Variants in GADL1 observed in about 807,000 individuals in gnomAD.
The protein encoded by GADL1 is acidic amino acid decarboxylase GADL1.
A neutral mutation model predicts 69.5 loss-of-function variants in GADL1; 71 were observed. The observed-to-expected ratio is 1.02, with a 90% CI of 0.84 to 1.25. The LOEUF (loss-of-function observed/expected upper bound fraction) is 1.25, where lower values mean the gene tolerates loss of function less well. Ranked by LOEUF, GADL1 falls within the 50% of genes most tolerant of loss-of-function variation. The pLI, the probability that GADL1 is intolerant of heterozygous loss-of-function variation, is 0.00. For missense variants in GADL1, 737 were observed against 631.8 expected, an observed-to-expected ratio of 1.17 and a Z score of -1.79; for synonymous variants, 254 against 214.4, an observed-to-expected ratio of 1.18 and a Z score of -1.62.
At chr3:30,843,048 A>G (rs1023468499) in intron 8 of GADL1, among the ~76,000 whole-genome samples, 2 of 151,962 alleles carry the variant, frequency 1.3e-5, no homozygotes, top group Non-Finnish European at 2.9e-5. Context: ...ATGAACTCCT[A>G]TGAGGATAGA....
intron 14 of GADL1, among the ~76,000 whole-genome samples, chr3:30,761,277 C>T (rs1696123676): frequency 7.3e-6 from 1 of 136,910 alleles, no homozygotes; most frequent in Non-Finnish European, 1.6e-5. Context: ...AAGAAGACAG[C>T]TAGAGCCTCT....
rs1695390622 is a variant in GADL1, at chr3:30,727,694, A to G, written c.*548T>C. 6.6e-6 allele frequency: 1 copy of G among 152,206 alleles called. No individual in the cohort carries two copies. The highest frequency in any genetic ancestry group is 2.1e-4 in the South Asian group (1 of 4,836). The allele number at this position is 152,206 out of a possible 1,614,324, so 9.4% of individuals were successfully genotyped here. A position where few individuals can be genotyped will look rare whatever the true frequency, so the allele number is the denominator to read the frequency against. On this transcript the variant is annotated 3_prime_UTR_variant, in exon 15 of 15. Coordinates refer to ENST00000282538, the MANE Select transcript of GADL1 (RefSeq NM_207359.3). ...ACATCAGAGTGGGTATTCGATCATTACAAGGTTTTTCTTAAACCAGTGTTT... is the reference window on the plus strand; with the variant it reads ...ACATCAGAGTGGGTATTCGATCATTGCAAGGTTTTTCTTAAACCAGTGTTT...
At chr3:30,881,467 A>G (rs1698639751) in intron 1 of GADL1, among the ~76,000 whole-genome samples, 1 of 151,932 alleles carries the variant, frequency 6.6e-6, no homozygotes, top group African/African-American at 2.4e-5. Context: ...CAATACACAA[A>G]AGCATCAAGT....
intron 1 of GADL1, among the ~76,000 whole-genome samples, chr3:30,870,405 T>C (rs1331243051): frequency 6.6e-6 from 1 of 151,172 alleles, no homozygotes; most frequent in Non-Finnish European, 1.5e-5. Context: ...CTTTAAGAAA[T>C]GGAAAGAGAT....
chr3:30,856,348 T>G (rs1284857577), intron 3 of GADL1, among the ~76,000 whole-genome samples: 2 of 152,106 alleles, frequency 1.3e-5, no homozygotes, highest in Admixed American at 6.6e-5. Flanking sequence ...GAACAGGATA[T>G]TAACAGGTAA....
In GADL1 at chr3:30,793,199, C is replaced by T. The variant is rs578077282; in HGVS notation, c.1251-6793G>A. ...TGGCCACAGCATACTTTCACAAATG[C>T]TGGTTTATAAGTGTTTCTACTAAAA... is the stretch of plus-strand genomic sequence containing the variant. On this transcript the variant is annotated intron_variant, in intron 12 of 14. Transcript: ENST00000282538. Among the ~76,000 whole-genome samples the T allele has an allele frequency of 1.4e-4, 22 of 152,240 alleles. No homozygotes were observed. The South Asian group carries it at 4.3e-3, about 30-fold the overall frequency.
intron 12 of GADL1, among the ~76,000 whole-genome samples, chr3:30,787,384 T>C (rs901091338): frequency 6.6e-5 from 10 of 152,152 alleles, no homozygotes; most frequent in African/African-American, 2.4e-4. Flanking sequence ...TATATAATAT[T>C]GACTCCTCTC....
At chr3:30,881,489 A>G (rs1429838295) in intron 1 of GADL1, among the ~76,000 whole-genome samples, 1 of 151,878 alleles carries the variant, frequency 6.6e-6, no homozygotes, top group Non-Finnish European at 1.5e-5. Context: ...GTGATTAAGG[A>G]TGCTACTGGA....
intron 1 of GADL1, among the ~76,000 whole-genome samples, chr3:30,884,820 G>T (rs1478362536): frequency 1.3e-5 from 2 of 151,836 alleles, no homozygotes; most frequent in Non-Finnish European, 2.9e-5. Context: ...GAGGAAGGTA[G>T]AAAATACTTA....
chr3:30,808,412 C>T (rs764791207), intron 11 of GADL1, among the ~76,000 whole-genome samples: 2 of 151,304 alleles, frequency 1.3e-5, no homozygotes, highest in Non-Finnish European at 1.5e-5. Context: ...GCAGGAGAAT[C>T]GCTTGAACCT....
rs71744579 is a variant in GADL1 at position 30,814,982 on chromosome 3, A to ATT, written c.1051-13896_1051-13895dup. On this transcript the variant is annotated intron_variant, in intron 11 of 14. Coordinates refer to ENST00000282538, the MANE Select transcript of GADL1 (RefSeq NM_207359.3). Reference sequence around the variant, plus strand: ...CTGTCTCATTTAAAAAAAAAAAAAAATTTTTTTCATTAAGGCAAATTTTTA... The same window carrying ATT: ...CTGTCTCATTTAAAAAAAAAAAAAAATTTTTTTTTCATTAAGGCAAATTTTTA... Among the ~76,000 whole-genome samples the ATT allele has an allele frequency of 3.7e-3, 522 of 141,638 alleles. 4 individuals carry two copies. Among genetic ancestry groups the ATT allele is most frequent in the African/African-American group, 0.013 (462 of 35,910 alleles). 92.9% of individuals were successfully genotyped at this position (141,638 alleles called of 152,430 possible). A position where few individuals can be genotyped will look rare whatever the true frequency, so the allele number is the denominator to read the frequency against.
intron 14 of GADL1, among the ~76,000 whole-genome samples, chr3:30,753,321 C>G (rs1289360230): frequency 6.6e-6 from 1 of 152,144 alleles, no homozygotes; most frequent in South Asian, 2.1e-4. Flanking sequence ...AATTCTTCCT[C>G]AAAACCATGT....
chr3:30,782,137 A>G (rs543123026), intron 13 of GADL1, among the ~76,000 whole-genome samples: 6 of 152,332 alleles, frequency 3.9e-5, no homozygotes, highest in Non-Finnish European at 7.3e-5. Context: ...CATGTCATGA[A>G]GGACTTCTCG....
intron 12 of GADL1, among the ~76,000 whole-genome samples, chr3:30,792,957 A>G (rs2125502837): frequency 6.6e-6 from 1 of 152,322 alleles, no homozygotes; most frequent in South Asian, 2.1e-4. Flanking sequence ...TACAGGCAAG[A>G]GAGAATGGTC....
At chr3:30,736,060 G>T (rs1421648431) in intron 14 of GADL1, among the ~76,000 whole-genome samples, 1 of 151,652 alleles carries the variant, frequency 6.6e-6, no homozygotes, top group Non-Finnish European at 1.5e-5. Flanking sequence ...TTTTAATGTG[G>T]CCCTATTGAA....
At chr3:30,806,837 G>C (rs1166148127) in intron 11 of GADL1, among the ~76,000 whole-genome samples, 1 of 152,180 alleles carries the variant, frequency 6.6e-6, no homozygotes, top group East Asian at 1.9e-4. Context: ...TAGAAATCTA[G>C]AGTAGCCAAG....
At chr3:30,809,713 A>AGAG (rs1697317893) in intron 11 of GADL1, among the ~76,000 whole-genome samples, 1 of 152,178 alleles carries the variant, frequency 6.6e-6, no homozygotes, top group Non-Finnish European at 1.5e-5. Flanking sequence ...TTAATAGTTT[A>AGAG]GAGGTGGGAT....
At chr3:30,831,158 CTGT>C (rs1697785082) in intron 11 of GADL1, among the ~76,000 whole-genome samples, 2 of 151,880 alleles carry the variant, frequency 1.3e-5, no homozygotes, top group African/African-American at 4.8e-5. Context: ...TTTAGTTCTT[CTGT>C]TGTTCTAAAG....
chr3:30,803,450 A>G (rs1697198382), intron 11 of GADL1, among the ~76,000 whole-genome samples: 1 of 150,240 alleles, frequency 6.7e-6, no homozygotes. Flanking sequence ...CCAACCATGA[A>G]AGATTAAAAA....
Sources: gnomAD v4.1 joint callset for allele counts (sites outside exome capture counted in the v4.1 genomes callset) on GRCh38, gnomAD v4.1.1 for gene constraint, MANE v1.5 for transcripts, NCBI Gene and HGNC (gene_info 2026-07-23, HGNC 2026-07-21) for gene names.